The following PEBP4 variants were observed in gnomAD, a reference collection of about 807,000 sequenced individuals.
The protein encoded by PEBP4 is phosphatidylethanolamine-binding protein 4.
In PEBP4, 22 loss-of-function variants were observed where a neutral mutation model predicts 23.9. The ratio of observed to expected loss-of-function variants is 0.92; its 90% CI spans 0.66 to 1.31. The LOEUF is 1.31. Among genes scored for constraint, PEBP4 ranks in the 40% most tolerant of loss-of-function variants. The probability of loss-of-function intolerance (pLI) is 0.00; values close to 1 mark genes in which losing one functional copy is unlikely to be tolerated. For synonymous variants in PEBP4, 112 were observed against 99.3 expected, an observed-to-expected ratio of 1.13 and a Z score of -0.76; for missense variants, 324 against 281.7, an observed-to-expected ratio of 1.15 and a Z score of -1.07.
rs77531042 is a variant in PEBP4, at chr8:22,722,362, G to A, written c.517+2481C>T. ...CTTATTTTCTAGATTAGGAAACTGA[G>A]GCCCAGCGAGGTTCATTGATTGGCC... On this transcript the variant is annotated intron_variant, in intron 6 of 6. Transcript: ENST00000256404. Among the ~76,000 whole-genome samples the A allele has an allele frequency of 2.6e-3, 400 of 152,242 alleles. 2 individuals carry two copies. The highest frequency in any genetic ancestry group is 4.8e-3 in the Non-Finnish European group (325 of 68,008).
At chr8:22,939,924 A>C (rs949363872) in intron 1 of PEBP4, among the ~76,000 whole-genome samples, 1 of 152,192 alleles carries the variant, frequency 6.6e-6, no homozygotes, top group African/African-American at 2.4e-5. Flanking sequence ...TGACTTAATA[A>C]GCCCATTTCA....
chr8:22,818,228 G>A (rs1250094735), intron 3 of PEBP4, among the ~76,000 whole-genome samples: 2 of 152,228 alleles, frequency 1.3e-5, no homozygotes, highest in African/African-American at 4.8e-5. Flanking sequence ...TGTGCCAGAA[G>A]CTGCTCTAGG....
intron 3 of PEBP4, among the ~76,000 whole-genome samples, chr8:22,837,890 C>CTTTTTTTT (rs746772591): frequency 7.7e-5 from 5 of 64,568 alleles, no homozygotes; most frequent in African/African-American, 1.3e-4. Context: ...TTATTATATT[C>CTTTTTTTT]TTTTTTTTTT....
At chr8:22,887,924 T>C (rs1469996883) in intron 3 of PEBP4, 7 of 151,420 alleles carry the variant, frequency 4.6e-5, no homozygotes, top group Non-Finnish European at 7.4e-5. Flanking sequence ...GGGAGGGAGG[T>C]TAGCTTTTCA....
chr8:22,716,667 C>T (rs1804425569), intron 6 of PEBP4, among the ~76,000 whole-genome samples: 1 of 152,232 alleles, frequency 6.6e-6, no homozygotes, highest in Non-Finnish European at 1.5e-5. Flanking sequence ...GCTGGACAAA[C>T]TCTGGACGGC....
intron 3 of PEBP4, among the ~76,000 whole-genome samples, chr8:22,912,792 G>T (rs1167739561): frequency 6.6e-6 from 1 of 152,216 alleles, no homozygotes; most frequent in African/African-American, 2.4e-5. Context: ...GGGGACCTGG[G>T]CTAGAGTGGG....
intron 4 of PEBP4, among the ~76,000 whole-genome samples, chr8:22,795,759 G>T (rs1806240289): frequency 6.6e-6 from 1 of 152,142 alleles, no homozygotes; most frequent in Non-Finnish European, 1.5e-5. Context: ...CTACATGAAA[G>T]ATTTTTTTTT....
intron 4 of PEBP4, among the ~76,000 whole-genome samples, chr8:22,751,594 G>C (rs1805261618): frequency 7.4e-6 from 1 of 135,806 alleles, no homozygotes; most frequent in Non-Finnish European, 1.6e-5. Context: ...GTGTCTGTGT[G>C]TGTGTGTGTG....
At chr8:22,783,582 T>C (rs1805970876) in intron 4 of PEBP4, among the ~76,000 whole-genome samples, 1 of 152,120 alleles carries the variant, frequency 6.6e-6, no homozygotes, top group African/African-American at 2.4e-5. Flanking sequence ...CCAACTAGGG[T>C]CATTGTTTTC....
chr8:22,771,842 C>T (rs144467543), intron 4 of PEBP4, among the ~76,000 whole-genome samples: 8 of 152,238 alleles, frequency 5.3e-5, no homozygotes, highest in African/African-American at 1.9e-4. Flanking sequence ...TCTGTACGAA[C>T]TGCCCCTTAA....
chr8:22,791,855 A>G (rs1009067257), intron 4 of PEBP4, among the ~76,000 whole-genome samples: 1 of 137,824 alleles, frequency 7.3e-6, no homozygotes, highest in African/African-American at 2.8e-5. Flanking sequence ...ATTTAAAAGC[A>G]CTGGATTCTT....
At chr8:22,825,063 G>A (rs568011882) in intron 3 of PEBP4, among the ~76,000 whole-genome samples, 1 of 152,314 alleles carries the variant, frequency 6.6e-6, no homozygotes, top group African/African-American at 2.4e-5. Flanking sequence ...AGACTTCTGT[G>A]GTGGTCTTGC....
intron 2 of PEBP4, among the ~76,000 whole-genome samples, chr8:22,924,112 C>T (rs1257219196): frequency 2.6e-5 from 4 of 152,134 alleles, no homozygotes; most frequent in Non-Finnish European, 4.4e-5. Context: ...CCTGTAATAC[C>T]GGCACTTTGG....
intron 2 of PEBP4, among the ~76,000 whole-genome samples, chr8:22,923,637 G>T (rs1479895240): frequency 1.3e-5 from 2 of 152,140 alleles, no homozygotes; most frequent in Non-Finnish European, 2.9e-5. Context: ...CTGCCCCTCA[G>T]TGAGTGCTAT....
chr8:22,913,098 C>A (rs1365335605), intron 3 of PEBP4, among the ~76,000 whole-genome samples: 2 of 152,214 alleles, frequency 1.3e-5, no homozygotes, highest in African/African-American at 4.8e-5. Flanking sequence ...ATTGTAGTGA[C>A]AACTGATCCC....
chr8:22,913,409 A>G (rs990567005), intron 3 of PEBP4, among the ~76,000 whole-genome samples: 1 of 152,026 alleles, frequency 6.6e-6, no homozygotes, highest in African/African-American at 2.4e-5. Context: ...TGTCCGTGAC[A>G]TCATCATTCC....
At position 22,775,890 on chromosome 8, in the gene PEBP4, G is replaced by A. The variant is rs1805805860; in HGVS notation, c.357+41747C>T. On this transcript the variant is annotated intron_variant, in intron 4 of 6. Transcript: ENST00000256404. This position sits in a 1 kb window ranked among gnomAD's most constrained non-coding sequence, Gnocchi z 4.8. ...TGGGGGGGTTTCCCGTTCTGGAGGCGCCGGCAGTGAGCTTCTCTGGGCCAT... is the reference window on the plus strand; with the variant it reads ...TGGGGGGGTTTCCCGTTCTGGAGGCACCGGCAGTGAGCTTCTCTGGGCCAT... 6.6e-6 allele frequency among the ~76,000 whole-genome samples: 1 copy of A among 152,116 alleles called. No homozygotes were observed. The highest frequency in any genetic ancestry group is 2.1e-4 in the South Asian group (1 of 4,810).
At chr8:22,935,589 A>G (rs911457996) in intron 1 of PEBP4, among the ~76,000 whole-genome samples, 6 of 152,184 alleles carry the variant, frequency 3.9e-5, no homozygotes, top group African/African-American at 1.4e-4. Context: ...CAAGATTTAA[A>G]ACTTTGAAGG....
At chr8:22,922,227 A>G (rs948122012) in intron 2 of PEBP4, among the ~76,000 whole-genome samples, 4 of 152,062 alleles carry the variant, frequency 2.6e-5, no homozygotes, top group African/African-American at 9.7e-5. Context: ...GATGATGGGA[A>G]AGGGGCATGT....
Sources: allele counts gnomAD v4.1 joint callset (sites outside exome capture counted in the v4.1 genomes callset), GRCh38; gene constraint gnomAD v4.1.1; non-coding constraint Gnocchi (gnomAD v3.1); transcripts MANE v1.5; gene names NCBI Gene and HGNC (gene_info 2026-07-23, HGNC 2026-07-21).